Variants in ASH1L observed in about 807,000 individuals in gnomAD.
The protein encoded by ASH1L is histone-lysine N-methyltransferase ASH1L.
A neutral mutation model predicts 269.0 loss-of-function variants in ASH1L; 23 were observed. The observed-to-expected ratio is 0.09, with a 90% confidence interval of 0.06 to 0.12. The LOEUF is 0.12. Among genes scored for constraint, ASH1L ranks in the 10% least tolerant of loss-of-function variants. ASH1L has a pLI of 1.00. For missense variants in ASH1L, 2,912 were observed against 3,567.8 expected (o/e 0.82, Z 4.68); for synonymous variants, 1,187 against 1,253.5 (o/e 0.95, Z 1.12).
At chr1:155,401,884 T>C (rs1198233992) in intron 6 of ASH1L, among the ~76,000 whole-genome samples, 1 of 150,586 alleles carries the variant, frequency 6.6e-6, no homozygotes, top group East Asian at 2.0e-4. Flanking sequence ...AGGTCAGGAG[T>C]TTGAGACCAG....
At chr1:155,392,106 T>C (rs1657980923) in intron 7 of ASH1L, among the ~76,000 whole-genome samples, 2 of 152,296 alleles carry the variant, frequency 1.3e-5, no homozygotes. Flanking sequence ...CTACTTAGTA[T>C]CTTTAGTCTC....
At chr1:155,369,441 C>T (rs950163040) in intron 12 of ASH1L, among the ~76,000 whole-genome samples, 7 of 149,268 alleles carry the variant, frequency 4.7e-5, no homozygotes, top group Admixed American at 6.7e-5. Flanking sequence ...AGCGAGACTC[C>T]GTCTCAAAAA....
chr1:155,474,526 C>G (rs754699537), intron 3 of ASH1L, among the ~76,000 whole-genome samples: 3 of 152,082 alleles, frequency 2.0e-5, no homozygotes, highest in Non-Finnish European at 2.9e-5. Context: ...TGGCGAAACC[C>G]CATCTCTACA....
intron 3 of ASH1L, among the ~76,000 whole-genome samples, chr1:155,463,260 G>A (rs1462499374): frequency 6.6e-6 from 1 of 152,116 alleles, no homozygotes; most frequent in Non-Finnish European, 1.5e-5. Flanking sequence ...ATCGTGTTCA[G>A]TACATGGACT....
chr1:155,465,092 C>G (rs1338216541), intron 3 of ASH1L, among the ~76,000 whole-genome samples: 1 of 151,962 alleles, frequency 6.6e-6, no homozygotes, highest in Non-Finnish European at 1.5e-5. Flanking sequence ...GCTACTTTTA[C>G]AGATGCCTGG....
chr1:155,423,395 A>G (rs1267189786), intron 5 of ASH1L, among the ~76,000 whole-genome samples: 1 of 151,874 alleles, frequency 6.6e-6, no homozygotes, highest in Non-Finnish European at 1.5e-5. Flanking sequence ...CCTGGCCAAC[A>G]TGGTGAAACC....
At chr1:155,457,048 A>C (rs749139909) in intron 4 of ASH1L, among the ~76,000 whole-genome samples, 2 of 152,184 alleles carry the variant, frequency 1.3e-5, no homozygotes, top group Non-Finnish European at 2.9e-5. Context: ...AGCAACATTC[A>C]AGGTACAGGT....
Position 155,349,531 on chromosome 1 carries a change from T to C in ASH1L, c.7421+11A>G, listed in dbSNP as rs201294528. The C allele has an allele frequency of 1.2e-4, 197 of 1,613,976 alleles. No homozygotes were observed. The highest frequency in any genetic ancestry group is 1.6e-4 in the Non-Finnish European group (190 of 1,179,990). ...TAAAAACTCAGATGATTCCCACAAATGTGAACCTACTTTTTCTTTGGGGGA... is the reference window on the plus strand; with the variant it reads ...TAAAAACTCAGATGATTCCCACAAACGTGAACCTACTTTTTCTTTGGGGGA... On this transcript the variant is annotated intron_variant, in intron 18 of 27. Transcript: ENST00000392403.
chr1:155,433,944 C>T (rs1661846200), intron 5 of ASH1L: 1 of 1,581,672 alleles, frequency 6.3e-7, no homozygotes, highest in Non-Finnish European at 8.6e-7. Context: ...TGCCCGAAAC[C>T]CACACTGCAG....
chr1:155,431,648 C>T (rs563833347), intron 5 of ASH1L, among the ~76,000 whole-genome samples: 2 of 152,162 alleles, frequency 1.3e-5, no homozygotes, highest in African/African-American at 4.8e-5. Context: ...GCAGTCCCAG[C>T]CACTGTGGGG....
intron 7 of ASH1L, among the ~76,000 whole-genome samples, chr1:155,385,162 G>A (rs1464618397): frequency 2.6e-5 from 4 of 151,588 alleles, no homozygotes; most frequent in African/African-American, 4.9e-5. Flanking sequence ...AAAAATTATT[G>A]GCCAGGTGCA....
chr1:155,510,477 T>C (rs1364789828), intron 2 of ASH1L, among the ~76,000 whole-genome samples: 2 of 148,346 alleles, frequency 1.3e-5, no homozygotes, highest in Non-Finnish European at 3.0e-5. Flanking sequence ...GAAGTTCTCA[T>C]AGTCTTGTTA....
intron 10 of ASH1L, among the ~76,000 whole-genome samples, chr1:155,375,557 C>T (rs1264646286): frequency 6.6e-6 from 1 of 151,996 alleles, no homozygotes; most frequent in East Asian, 1.9e-4. Context: ...GAGGCTGAGG[C>T]AAGAGGATCA....
intron 3 of ASH1L, among the ~76,000 whole-genome samples, chr1:155,467,698 A>G (rs1297347364): frequency 6.6e-6 from 1 of 152,156 alleles, no homozygotes; most frequent in Non-Finnish European, 1.5e-5. Flanking sequence ...TGAAATTTAT[A>G]TCAACATGAT....
At chr1:155,547,029 TG>T (rs1347340839) in intron 1 of ASH1L, among the ~76,000 whole-genome samples, 2 of 136,606 alleles carry the variant, frequency 1.5e-5, no homozygotes, top group Non-Finnish European at 3.1e-5. Context: ...CTTGGCTCAC[TG>T]CAACCTCTGC....
At chr1:155,454,282 C>T (rs552732416) in intron 4 of ASH1L, among the ~76,000 whole-genome samples, 5 of 152,284 alleles carry the variant, frequency 3.3e-5, no homozygotes, top group Middle Eastern at 3.4e-3. Flanking sequence ...CATGATATTG[C>T]TAAATGTGAA....
At chr1:155,447,221 T>C (rs901252559) in intron 4 of ASH1L, among the ~76,000 whole-genome samples, 1 of 152,362 alleles carries the variant, frequency 6.6e-6, no homozygotes, top group African/African-American at 2.4e-5. Flanking sequence ...GAGCAAATAC[T>C]ATTCTAGTCT....
chr1:155,352,785 C>T lies in ASH1L; in HGVS notation c.7287G>A (p.Glu2429=). The change falls in exon 17 of 28, where the codon GAG becomes GAA. Residue 2429 remains glutamate (E), a synonymous_variant. Coordinates refer to ENST00000392403, the MANE Select transcript of ASH1L (RefSeq NM_018489.3). The part of the protein sequence containing the change: ...SVRTRRLAAA[E]ENIEVARAAR... ...CTGCCCGAGCCACTTCAATATTTTC[C>T]TCTGCAGCTGCCAACCGTCTTGTTC... 1 of 1,614,146 alleles carries T rather than the reference C, an allele frequency of 6.2e-7. No individual in the cohort carries two copies. Among genetic ancestry groups the T allele is most frequent in the Non-Finnish European group, 8.5e-7 (1 of 1,180,012 alleles).
At position 155,562,443 on chromosome 1, in the gene ASH1L, GGCA is replaced by G. The variant is rs1182467771; in HGVS notation, c.-393_-391del. The G allele has an allele frequency of 1.4e-6, 2 of 1,450,580 alleles. No individual in the cohort carries two copies. Among genetic ancestry groups the G allele is most frequent in the African/African-American group, 1.4e-5 (1 of 71,024 alleles). 89.9% of individuals were successfully genotyped at this position (1,450,580 alleles called of 1,614,324 possible). On this transcript the variant is annotated 5_prime_UTR_variant, in exon 1 of 28. Coordinates refer to ENST00000392403, the MANE Select transcript of ASH1L (RefSeq NM_018489.3). ...CGGCGGGAGCGGCGGCGGCGGCGGC[GGCA>G]GCAGCAGAGTGGCGGCGGTGGCGGC...
Sources: allele counts gnomAD v4.1 joint callset (sites outside exome capture counted in the v4.1 genomes callset), GRCh38; gene constraint gnomAD v4.1.1; transcripts MANE v1.5; gene names NCBI Gene and HGNC (gene_info 2026-07-23, HGNC 2026-07-21).